The following BAZ2B variants were observed in gnomAD, a reference collection of about 807,000 sequenced individuals.
BAZ2B encodes bromodomain adjacent to zinc finger domain 2B, also known as bromodomain adjacent to zinc finger domain protein 2B.
A neutral mutation model predicts 246.0 loss-of-function variants in BAZ2B; 91 were observed. That is an observed-to-expected ratio of 0.37 (90% CI 0.31 to 0.44). BAZ2B has a LOEUF of 0.44. BAZ2B is among the 20% of genes least tolerant of loss of function. The pLI, the probability that BAZ2B is intolerant of heterozygous loss-of-function variation, is 1.00. For synonymous variants in BAZ2B, 855 were observed against 860.0 expected, an observed-to-expected ratio of 0.99 and a Z score of 0.10; for missense variants, 2,332 against 2,533.7, an observed-to-expected ratio of 0.92 and a Z score of 1.71.
intron 6 of BAZ2B, among the ~76,000 whole-genome samples, chr2:159,443,734 C>T (rs2073838283): frequency 6.6e-6 from 1 of 152,100 alleles, no homozygotes; most frequent in Admixed American, 6.6e-5. Context: ...TACTATGGTA[C>T]CTCAGAATCT....
chr2:159,365,857 AGT>A (rs1425790218), intron 27 of BAZ2B, among the ~76,000 whole-genome samples: 1 of 152,316 alleles, frequency 6.6e-6, no homozygotes, highest in African/African-American at 2.4e-5. Flanking sequence ...AAAAAGTGAA[AGT>A]GTGGTTGGAG....
intron 2 of BAZ2B, among the ~76,000 whole-genome samples, chr2:159,519,151 C>A (rs2083757689): frequency 6.8e-6 from 1 of 147,104 alleles, no homozygotes; most frequent in Non-Finnish European, 1.5e-5. Flanking sequence ...CATACACTAA[C>A]AATTTCCAGA....
intron 33 of BAZ2B, among the ~76,000 whole-genome samples, chr2:159,334,557 CT>C (rs2065305330): frequency 6.6e-6 from 1 of 152,140 alleles, no homozygotes; most frequent in Non-Finnish European, 1.5e-5. Context: ...TTATAAGGTG[CT>C]TCTTAATCTT....
chr2:159,560,375 G>T (rs2089701596), intron 1 of BAZ2B, among the ~76,000 whole-genome samples: 1 of 150,110 alleles, frequency 6.7e-6, no homozygotes, highest in Non-Finnish European at 1.5e-5. Flanking sequence ...TCAAGGTATG[G>T]TTATACAATA....
chr2:159,687,237 T>C, the BAZ2B span, among the ~76,000 whole-genome samples: 4 of 152,110 alleles, frequency 2.6e-5, no homozygotes, highest in Non-Finnish European at 5.9e-5. Flanking sequence ...TGAGTAACAA[T>C]GAGGTGGAGG....
intron 1 of BAZ2B, among the ~76,000 whole-genome samples, chr2:159,572,398 ACTGAGAC>A (rs1380471715): frequency 6.6e-6 from 1 of 152,170 alleles, no homozygotes; most frequent in African/African-American, 2.4e-5. Context: ...GTATTATGGG[ACTGAGAC>A]CTTAAACTGT....
At chr2:159,490,936 T>C (rs2080386500) in intron 2 of BAZ2B, among the ~76,000 whole-genome samples, 1 of 152,158 alleles carries the variant, frequency 6.6e-6, no homozygotes, top group African/African-American at 2.4e-5. Context: ...ACCTATAACA[T>C]GCTTTCTGAC....
chr2:159,689,971 C>T, the BAZ2B span: 3 of 365,984 alleles, frequency 8.2e-6, no homozygotes, highest in Non-Finnish European at 1.5e-5. Context: ...CGATCATTGT[C>T]TGCCATTTTT....
chr2:159,600,746 C>G (rs548997703), intron 1 of BAZ2B, among the ~76,000 whole-genome samples: 57 of 152,064 alleles, frequency 3.7e-4, no homozygotes, highest in South Asian at 2.3e-3. Context: ...TTCATAGTTG[C>G]CGTTTAGAAT....
the BAZ2B span, among the ~76,000 whole-genome samples, chr2:159,638,120 A>G: frequency 2.9e-4 from 44 of 152,366 alleles, no homozygotes; most frequent in African/African-American, 9.1e-4. Context: ...GTAAGAAAAA[A>G]GAACAAAAGT....
the BAZ2B span, among the ~76,000 whole-genome samples, chr2:159,659,741 A>C: frequency 1.3e-5 from 2 of 152,168 alleles, no homozygotes; most frequent in African/African-American, 4.8e-5. Context: ...CCAAAACTGC[A>C]ACAGTTTTTC....
At chr2:159,506,035 G>C (rs1009065321) in intron 2 of BAZ2B, among the ~76,000 whole-genome samples, 1 of 152,194 alleles carries the variant, frequency 6.6e-6, no homozygotes, top group Non-Finnish European at 1.5e-5. Context: ...AACAATGACA[G>C]AGAATCTGAA....
chr2:159,462,234 C>A, intron 3 of BAZ2B: 1 of 520,026 alleles, frequency 1.9e-6, no homozygotes, highest in Non-Finnish European at 3.5e-6. Flanking sequence ...AAGAATCAGA[C>A]AATGCTATAG....
intron 13 of BAZ2B, among the ~76,000 whole-genome samples, chr2:159,423,599 C>G (rs923809143): frequency 1.3e-5 from 2 of 152,122 alleles, no homozygotes; most frequent in African/African-American, 2.4e-5. Flanking sequence ...TTCACAATAG[C>G]AAAGACATGG....
Position 159,365,203 on chromosome 2 carries a change from G to A in BAZ2B, c.4213+7842C>T, listed in dbSNP as rs190826415. The stretch of plus-strand genomic sequence containing the variant: ...CCATGTAGAATGGTATTGCCAACAT[G>A]GTACTAAGTGGCTGTTCTAGGCTCG... On this transcript the variant is annotated intron_variant, in intron 27 of 36. Coordinates refer to ENST00000392783, the MANE Select transcript of BAZ2B (RefSeq NM_013450.4). Among the ~76,000 whole-genome samples the A allele has an allele frequency of 4.1e-4, 62 of 152,238 alleles. 2 individuals carry two copies. The East Asian group carries it at 9.5e-3, about 23-fold the overall frequency.
At position 159,320,296 on chromosome 2, in the gene BAZ2B, T is replaced by G. The variant is rs904723339; in HGVS notation, c.6476A>C (p.Lys2159Thr). The G allele has an allele frequency of 4.5e-6, 7 of 1,564,086 alleles. No homozygotes were observed. Among genetic ancestry groups the G allele is most frequent in the South Asian group, 1.2e-5 (1 of 81,720 alleles). ...AGHNMRKYFE[K>T]KWTDTFKVS ...CACTTTGAAAGTATCTGTCCACTTTTTTTCAAAATACTTCCTCATATTGTG... is the reference window on the plus strand; with the variant it reads ...CACTTTGAAAGTATCTGTCCACTTTGTTTCAAAATACTTCCTCATATTGTG... The change falls in exon 37 of 37, where the codon AAA becomes ACA. Residue 2159 changes from lysine (K) to threonine (T), a missense_variant. Lys to Thr is a moderately conservative substitution (Grantham distance 78). This residue lies in a region of BAZ2B where 210 missense variants were observed against 232.5 expected (regional missense o/e 0.90). Transcript: ENST00000392783.
chr2:159,647,888 G>A, the BAZ2B span, among the ~76,000 whole-genome samples: 2 of 152,078 alleles, frequency 1.3e-5, no homozygotes, highest in African/African-American at 4.8e-5. Flanking sequence ...TAAATTTAAA[G>A]GTTTCTAGGG....
At chr2:159,518,646 ATAATT>A (rs1369008962) in intron 2 of BAZ2B, among the ~76,000 whole-genome samples, 9 of 152,260 alleles carry the variant, frequency 5.9e-5, no homozygotes, top group Non-Finnish European at 7.3e-5. Context: ...TTATTCCAAC[ATAATT>A]TAAGATGACT....
chr2:159,561,751 C>T (rs775681376), intron 1 of BAZ2B, among the ~76,000 whole-genome samples: 18 of 152,084 alleles, frequency 1.2e-4, no homozygotes, highest in Non-Finnish European at 2.4e-4. Flanking sequence ...TTTTTTATAA[C>T]TGGAAAAAGA....
Sources: gnomAD v4.1 joint callset for allele counts (sites outside exome capture counted in the v4.1 genomes callset) on GRCh38, gnomAD v4.1.1 for gene constraint, gnomAD v4.1.1 regional missense constraint, MANE v1.5 for transcripts, NCBI Gene and HGNC (gene_info 2026-07-23, HGNC 2026-07-21) for gene names.